Variants in TMPRSS15 observed in about 807,000 individuals in gnomAD.
TMPRSS15 encodes enteropeptidase.
TMPRSS15 carries 128 observed loss-of-function variants against 125.3 expected under a neutral mutation model. That is an observed-to-expected ratio of 1.02 (90% CI 0.89 to 1.18). The LOEUF (loss-of-function observed/expected upper bound fraction) is 1.18. Among genes scored for constraint, TMPRSS15 ranks in the 50% most tolerant of loss-of-function variants. The pLI is 0.00. For missense variants in TMPRSS15, 1,283 were observed against 1,212.7 expected (o/e 1.06, Z -0.86); for synonymous variants, 446 against 423.2 (o/e 1.05, Z -0.66).
At chr21:18,405,114 C>T (rs958943299), upstream of TMPRSS15, among the ~76,000 whole-genome samples, 2 of 151,974 alleles carry the variant, frequency 1.3e-5, no homozygotes, top group Admixed American at 6.6e-5. Context: ...CAGAAGCAAA[C>T]CCTTTTTAGA....
intron 1 of TMPRSS15, among the ~76,000 whole-genome samples, chr21:18,476,493 A>C (rs1220028525): frequency 6.6e-6 from 1 of 152,202 alleles, no homozygotes; most frequent in Non-Finnish European, 1.5e-5. Context: ...TAACAGGAGA[A>C]ATAAAAAATA....
rs139303383 is a variant in TMPRSS15, at chr21:18,292,996, G to A, written c.2486+1274C>T. 9.3e-4 allele frequency among the ~76,000 whole-genome samples: 142 copies of A among 152,300 alleles called. 1 individual carries two copies. The highest frequency in any genetic ancestry group is 3.1e-3 in the African/African-American group (129 of 41,548). ...GATAGAATCAGAGAGAGCTTTAGAT[G>A]TAGATGGGATGGTGCTGTCGGTAGC... On this transcript the variant is annotated intron_variant, in intron 21 of 24. Coordinates refer to ENST00000284885, the MANE Select transcript of TMPRSS15 (RefSeq NM_002772.3).
rs149843219 is a variant in TMPRSS15, at chr21:18,359,781, C to T, written c.856G>A (p.Val286Ile). ...YTDILDIYEG[V>I]GSSKILRASI... ...CCTCTTAAAATCTTGCTTGATCCTA[C>T]ACCTTCATAAATATCTAATATATCT... The change falls in exon 8 of 25, where the codon GTA becomes ATA. Residue 286 changes from valine to isoleucine, a missense_variant. Physicochemically the swap from Val to Ile is conservative, Grantham distance 29 (BLOSUM62 3). Transcript: ENST00000284885. 7.6e-6 allele frequency: 11 copies of T among 1,453,752 alleles called. No individual in the cohort carries two copies. Among genetic ancestry groups the T allele is most frequent in the Non-Finnish European group, 1.1e-5 (11 of 1,037,234 alleles). The allele number at this position is 1,453,752 out of a possible 1,614,324, so 90.1% of individuals were successfully genotyped here.
chr21:18,401,393 G>A (rs1467264492), intron 1 of TMPRSS15, among the ~76,000 whole-genome samples: 1 of 152,192 alleles, frequency 6.6e-6, no homozygotes, highest in Non-Finnish European at 1.5e-5. Flanking sequence ...GGAATAAGAT[G>A]CAGCCATAAA....
intron 22 of TMPRSS15, among the ~76,000 whole-genome samples, chr21:18,279,311 CTTTTTT>C (rs71189593): frequency 2.8e-3 from 114 of 41,066 alleles, no homozygotes; most frequent in Non-Finnish European, 5.1e-3. Flanking sequence ...CCTCGTTACT[CTTTTTT>C]TTTTTTTTTT....
At chr21:18,355,009 G>A (rs1569028993) in intron 8 of TMPRSS15, among the ~76,000 whole-genome samples, 1 of 151,776 alleles carries the variant, frequency 6.6e-6, no homozygotes, top group Admixed American at 6.6e-5. Flanking sequence ...TAATAGAAAG[G>A]ACATCATGAA....
At chr21:18,449,077 C>T (rs1273915869) in intron 1 of TMPRSS15, among the ~76,000 whole-genome samples, 1 of 152,080 alleles carries the variant, frequency 6.6e-6, no homozygotes, top group Non-Finnish European at 1.5e-5. Context: ...CTTTTCTGAC[C>T]TAAAGGCCAT....
rs9974380 is a variant in TMPRSS15, at chr21:18,397,853, G to A, written c.344+26C>T. ...CAAAAAAATCACTAATTTTCCATCAGTAGAAAATTTTTGAGCTATACTCAC... is the reference window on the plus strand; with the variant it reads ...CAAAAAAATCACTAATTTTCCATCAATAGAAAATTTTTGAGCTATACTCAC... On this transcript the variant is annotated intron_variant, in intron 3 of 24. Transcript: ENST00000284885. 1.8e-3 allele frequency: 2,433 copies of A among 1,322,906 alleles called. 41 individuals are homozygous for A. The African/African-American group carries it at 0.033, about 18-fold the overall frequency. 81.9% of individuals were successfully genotyped at this position (1,322,906 alleles called of 1,614,324 possible).
At chr21:18,309,415 A>G (rs1038816821) in intron 18 of TMPRSS15, among the ~76,000 whole-genome samples, 16 of 152,234 alleles carry the variant, frequency 1.1e-4, no homozygotes, top group African/African-American at 3.9e-4. Context: ...ATGGGATGTA[A>G]TTAAACTAAA....
At chr21:18,441,305 CA>C (rs2076240835) in intron 1 of TMPRSS15, among the ~76,000 whole-genome samples, 1 of 147,914 alleles carries the variant, frequency 6.8e-6, no homozygotes, top group Non-Finnish European at 1.5e-5. Context: ...CAAAACAAAA[CA>C]AAACCAAAAA....
At chr21:18,288,353 G>A (rs1177916282) in intron 21 of TMPRSS15, among the ~76,000 whole-genome samples, 3 of 151,894 alleles carry the variant, frequency 2.0e-5, no homozygotes, top group Admixed American at 1.3e-4. Context: ...GGAGGCGGGT[G>A]GATATTAAGA....
In TMPRSS15 at chr21:18,413,601, T is replaced by C. The variant is rs552687654; in HGVS notation, c.11-15272A>G. Among the ~76,000 whole-genome samples, 89 of 141,966 alleles carry C rather than the reference T, an allele frequency of 6.3e-4. No homozygotes were observed. The South Asian group carries it at 7.1e-3, about 11-fold the overall frequency. 93.1% of individuals were successfully genotyped at this position (141,966 alleles called of 152,430 possible). A position where few individuals can be genotyped will look rare whatever the true frequency, so the allele number is the denominator to read the frequency against. ...CTGGCTAACTTTTTTTTTTTTTTTT[T>C]CTATTTTTAATAGAGACGGAGTTTC... On this transcript the variant is annotated intron_variant, in intron 1 of 7. Coordinates refer to the TMPRSS15 transcript ENST00000422787.
At chr21:18,306,260 T>C (rs1359175151) in intron 18 of TMPRSS15, among the ~76,000 whole-genome samples, 3 of 152,214 alleles carry the variant, frequency 2.0e-5, no homozygotes, top group Non-Finnish European at 4.4e-5. Context: ...ACTATATGTC[T>C]ACCACCTCCT....
intron 22 of TMPRSS15, 139 bp downstream of exon 22, chr21:18,280,901 T>C: frequency 2.2e-6 from 2 of 917,534 alleles, no homozygotes; most frequent in Non-Finnish European, 3.4e-6. Flanking sequence ...TACTCCCTAA[T>C]CCCATTTAAG....
chr21:18,379,369 C>A, intron 4 of TMPRSS15, 51 bp from the exon 5 acceptor site: 3 of 863,752 alleles, frequency 3.5e-6, no homozygotes, highest in Non-Finnish European at 4.9e-6. Flanking sequence ...AAACTAATTA[C>A]CAGGAATTTA....
chr21:18,465,708 T>G (rs1327024544), intron 1 of TMPRSS15, among the ~76,000 whole-genome samples: 1 of 152,062 alleles, frequency 6.6e-6, no homozygotes, highest in Non-Finnish European at 1.5e-5. Flanking sequence ...TTAAAAGGGA[T>G]GTGAAGAACG....
At chr21:18,340,221 G>T (rs140037015) in intron 13 of TMPRSS15, among the ~76,000 whole-genome samples, 143 of 152,266 alleles carry the variant, frequency 9.4e-4, no homozygotes, top group African/African-American at 3.4e-3. Context: ...AGCACAGCTA[G>T]AATAAAAGCA....
chr21:18,271,792 T>C (rs1218103064), intron 24 of TMPRSS15, among the ~76,000 whole-genome samples: 5 of 152,054 alleles, frequency 3.3e-5, no homozygotes, highest in African/African-American at 7.3e-5. Flanking sequence ...TGTGTTCTCA[T>C]TGTTCAACTC....
chr21:18,277,896 T>C (rs752890361), intron 23 of TMPRSS15, among the ~76,000 whole-genome samples: 8 of 152,190 alleles, frequency 5.3e-5, no homozygotes, highest in African/African-American at 9.6e-5. Flanking sequence ...CTATTAGAAA[T>C]TCCACAGCCA....
Sources: allele counts gnomAD v4.1 joint callset (sites outside exome capture counted in the v4.1 genomes callset), GRCh38; gene constraint gnomAD v4.1.1; transcripts MANE v1.5; gene names NCBI Gene and HGNC (gene_info 2026-07-23, HGNC 2026-07-21).